Variants in DPY19L2 observed in about 807,000 individuals in gnomAD.
DPY19L2 encodes the protein dpy-19 like 2.
In DPY19L2, 34 loss-of-function variants were observed where a neutral mutation model predicts 97.9. That is an observed-to-expected ratio of 0.35 (90% CI 0.26 to 0.46). The LOEUF (loss-of-function observed/expected upper bound fraction) is 0.46, where lower values mean the gene tolerates loss of function less well. Among genes scored for constraint, DPY19L2 ranks in the 20% least tolerant of loss-of-function variants. The pLI, the probability that DPY19L2 is intolerant of heterozygous loss-of-function variation, is 1.00. For synonymous variants in DPY19L2, 230 were observed against 307.9 expected (o/e 0.75, Z 2.65); for missense variants, 623 against 911.4 (o/e 0.68, Z 4.07).
rs1368276923 is a variant in DPY19L2 at position 63,599,197 on chromosome 12, AG to A, written c.1359+1108del. On this transcript the variant is annotated intron_variant, in intron 13 of 21. Transcript: ENST00000324472. ...AAAAAACAAAAAAAAAAAAAAAAAA[AG>A]ATTTAGATTTGTAAAGATCTGGGGG... 1.8e-3 allele frequency among the ~76,000 whole-genome samples: 266 copies of A among 149,686 alleles called. 1 individual carries two copies. The highest frequency in any genetic ancestry group is 6.4e-3 in the African/African-American group (257 of 40,356).
intron 1 of DPY19L2, among the ~76,000 whole-genome samples, chr12:63,666,769 T>G (rs937983692): frequency 2.6e-5 from 4 of 152,174 alleles, no homozygotes; most frequent in African/African-American, 9.7e-5. Flanking sequence ...TCCTTGGCTA[T>G]TCCAGAAGTC....
At position 63,560,270 on chromosome 12, in the gene DPY19L2, A is replaced by G; in HGVS notation, c.*242T>C. On this transcript the variant is annotated 3_prime_UTR_variant, in exon 22 of 22. Transcript: ENST00000324472. ...TTCTCTTTAAAATTCTGAAATGAAC[A>G]TTTGTTTATGCAGTATGACATGAAT... 1 of 335,938 alleles carries G rather than the reference A, an allele frequency of 3.0e-6. No individual in the cohort carries two copies. The highest frequency in any genetic ancestry group is 8.1e-5 in the South Asian group (1 of 12,390). 20.8% of individuals were successfully genotyped at this position (335,938 alleles called of 1,614,324 possible).
intron 4 of DPY19L2, among the ~76,000 whole-genome samples, chr12:63,658,991 G>C (rs2138279115): frequency 6.6e-6 from 1 of 152,282 alleles, no homozygotes; most frequent in Admixed American, 6.5e-5. Flanking sequence ...TGATGGTTTT[G>C]CAGGTGGGCC....
Position 63,663,837 on chromosome 12 carries a change from A to G in DPY19L2, c.371T>C (p.Leu124Ser). 1 of 1,600,996 alleles carries G rather than the reference A, an allele frequency of 6.2e-7. No individual in the cohort carries two copies. The highest frequency in any genetic ancestry group is 1.1e-5 in the South Asian group (1 of 87,516). The change falls in exon 3 of 22, where the codon TTA (leucine) becomes TCA (serine). Residue 124 changes from leucine to serine, a missense_variant. Coordinates refer to ENST00000324472, the MANE Select transcript of DPY19L2 (RefSeq NM_173812.5). Reference sequence around the variant, plus strand: ...ACGATCATTTTCAAAAAGTGTTACTAAATGTAACCTAGAAAAAAATGAAGT... The same window carrying G: ...ACGATCATTTTCAAAAAGTGTTACTGAATGTAACCTAGAAAAAAATGAAGT... ...VFVAILHWLH[L>S]VTLFENDRHF...
At chr12:63,599,041 C>A (rs779855382) in intron 13 of DPY19L2, among the ~76,000 whole-genome samples, 14 of 151,782 alleles carry the variant, frequency 9.2e-5, no homozygotes, top group Non-Finnish European at 1.6e-4. Context: ...GGTGTGGTGG[C>A]ACGTGCCTAT....
At chr12:63,582,244 G>A (rs527766261) in intron 18 of DPY19L2, among the ~76,000 whole-genome samples, 162 bp downstream of exon 18, 1 of 152,222 alleles carries the variant, frequency 6.6e-6, no homozygotes, top group South Asian at 2.1e-4. Context: ...TGCTTTTCTT[G>A]CTTATAGTGA....
chr12:63,585,307 T>C (rs1417144234), intron 16 of DPY19L2, among the ~76,000 whole-genome samples: 1 of 152,100 alleles, frequency 6.6e-6, no homozygotes, highest in African/African-American at 2.4e-5. Context: ...GAAATAGGTG[T>C]GGAAAGTAAG....
chr12:63,563,029 T>C (rs1375240110), intron 21 of DPY19L2, among the ~76,000 whole-genome samples: 2 of 152,132 alleles, frequency 1.3e-5, no homozygotes, highest in Admixed American at 1.3e-4. Context: ...ACTCCTGACC[T>C]CAGGTGATCC....
At chr12:63,668,794 C>A (rs1592798896), upstream of DPY19L2, 1 of 198,010 alleles carries the variant, frequency 5.1e-6, no homozygotes, top group East Asian at 1.4e-4. Context: ...CGGACGGGCT[C>A]CCAGCCCCAC....
At chr12:63,594,464 A>AGAGAGTGTGTGTGTGT (rs1555189197) in intron 15 of DPY19L2, among the ~76,000 whole-genome samples, 2 of 125,022 alleles carry the variant, frequency 1.6e-5, no homozygotes. Context: ...AGAGAGAGAT[A>AGAGAGTGTGTGTGTGT]GTGTGTGTGT....
At chr12:63,618,636 G>A (rs1322097033) in intron 9 of DPY19L2, among the ~76,000 whole-genome samples, 1 of 152,018 alleles carries the variant, frequency 6.6e-6, no homozygotes, top group Non-Finnish European at 1.5e-5. Context: ...ACCAAGAAGG[G>A]TGCTTTAGTT....
intron 19 of DPY19L2, among the ~76,000 whole-genome samples, 190 bp from the exon 20 acceptor site, chr12:63,571,047 C>T (rs1192294417): frequency 2.0e-5 from 3 of 151,982 alleles, no homozygotes; most frequent in Admixed American, 6.6e-5. Context: ...TTGTTAAATA[C>T]TATCTTGGGG....
chr12:63,599,270 G>A (rs1884761528), intron 13 of DPY19L2, among the ~76,000 whole-genome samples: 2 of 150,928 alleles, frequency 1.3e-5, no homozygotes, highest in African/African-American at 4.9e-5. Context: ...AAACTTAACA[G>A]ATAAATAAAT....
chr12:63,600,513 A>G (rs555090684), intron 12 of DPY19L2, 127 bp from the exon 13 acceptor site: 1 of 755,980 alleles, frequency 1.3e-6, no homozygotes, highest in East Asian at 2.7e-5. Flanking sequence ...GTTTTTAAAA[A>G]AAGTTCCTTT....
chr12:63,631,235 G>C (rs891584375), intron 6 of DPY19L2, among the ~76,000 whole-genome samples: 2 of 152,050 alleles, frequency 1.3e-5, no homozygotes, highest in African/African-American at 4.8e-5. Context: ...AACTGAAGGA[G>C]ATAGAGACAC....
At chr12:63,636,259 C>A (rs1198647154) in intron 6 of DPY19L2, among the ~76,000 whole-genome samples, 3 of 152,086 alleles carry the variant, frequency 2.0e-5, no homozygotes, top group Non-Finnish European at 2.9e-5. Flanking sequence ...GCCTGCCTTA[C>A]AAGAGCTCCT....
rs538001119 is a variant in DPY19L2, at chr12:63,570,813, G to A, written c.1945C>T (p.Leu649=). ...GAMPTMASIK[L]STLHPIVNHP... is the part of the protein sequence containing the mutation. Reference sequence around the variant, plus strand: ...TTCACAATGGGATGAAGTGTAGACAGCTTGATGCTTGCCATTGTAGGCATG... The same window carrying A: ...TTCACAATGGGATGAAGTGTAGACAACTTGATGCTTGCCATTGTAGGCATG... Residue 649 remains leucine, a synonymous_variant, in exon 20 of 22, where the codon CTG becomes TTG. Transcript: ENST00000324472. The A allele has an allele frequency of 1.4e-5, 22 of 1,612,126 alleles. No individual in the cohort carries two copies. The Middle Eastern group carries it at 5.0e-4, about 36-fold the overall frequency.
rs1038675556 is a variant in DPY19L2, at chr12:63,559,336, G to A, written c.*1176C>T. 3 of 152,202 alleles carry A rather than the reference G, an allele frequency of 2.0e-5. No homozygotes were observed. Among genetic ancestry groups the A allele is most frequent in the Non-Finnish European group, 4.4e-5 (3 of 68,016 alleles). 9.4% of individuals were successfully genotyped at this position (152,202 alleles called of 1,614,324 possible). The stretch of plus-strand genomic sequence containing the variant: ...TGTTATTTCAAGTGTAGAGGGGCAA[G>A]AACATAAGGGAATTATAAAAACCCC... On this transcript the variant is annotated 3_prime_UTR_variant, in exon 22 of 22. Transcript: ENST00000324472.
chr12:63,630,363 C>A (rs12313913), intron 6 of DPY19L2, among the ~76,000 whole-genome samples: 6,913 of 151,892 alleles, frequency 0.046, 552 homozygotes, highest in African/African-American at 0.16. Flanking sequence ...AATAAAGGGA[C>A]AGAGGAAGAT....
Sources: gnomAD v4.1 joint callset for allele counts (sites outside exome capture counted in the v4.1 genomes callset) on GRCh38, gnomAD v4.1.1 for gene constraint, MANE v1.5 for transcripts, NCBI Gene and HGNC (gene_info 2026-07-23, HGNC 2026-07-21) for gene names.